Variants in ERG observed in about 807,000 individuals in gnomAD.
ERG encodes the protein transcriptional regulator ERG.
Under a neutral mutation model 55.3 loss-of-function variants are expected in ERG, and 9 were observed. The ratio of observed to expected loss-of-function variants is 0.16; its 90% CI spans 0.10 to 0.28. The LOEUF (loss-of-function observed/expected upper bound fraction) is 0.28, where lower values mean the gene tolerates loss of function less well. Among genes scored for constraint, ERG ranks in the 10% least tolerant of loss-of-function variants. The pLI is 1.00. For synonymous variants in ERG, 223 were observed against 237.3 expected, an observed-to-expected ratio of 0.94 and a Z score of 0.55; for missense variants, 434 against 631.6, an observed-to-expected ratio of 0.69 and a Z score of 3.35.
At chr21:38,388,384 C>T (rs1987805332) in intron 9 of ERG, among the ~76,000 whole-genome samples, 2 of 152,226 alleles carry the variant, frequency 1.3e-5, no homozygotes, top group Admixed American at 1.3e-4. Flanking sequence ...GGGATGCTGA[C>T]ATCATCCTGT....
intron 2 of ERG, among the ~76,000 whole-genome samples, chr21:38,503,764 T>G (rs1361474169): frequency 1.3e-5 from 2 of 152,160 alleles, no homozygotes; most frequent in African/African-American, 2.4e-5. Flanking sequence ...GGAACATGCC[T>G]GAGATTGTAG....
intron 2 of ERG, among the ~76,000 whole-genome samples, chr21:38,562,398 G>T (rs989457287): frequency 6.6e-6 from 1 of 152,076 alleles, no homozygotes; most frequent in Non-Finnish European, 1.5e-5. Flanking sequence ...TGGAAAACAG[G>T]GCTTTCCAGC....
rs141879826 is a variant in ERG, at chr21:38,615,548, T to C, written c.-149-30603A>G. On this transcript the variant is annotated intron_variant, in intron 1 of 10. Transcript: ENST00000398910. The stretch of plus-strand genomic sequence containing the variant: ...GTTAGTTCTGGTTCTGGCTCTGACA[T>C]GTACTAGTTTTGTGACCTTTTTCTA... 2.0e-4 allele frequency among the ~76,000 whole-genome samples: 30 copies of C among 151,680 alleles called. No individual in the cohort carries two copies. In the East Asian group the frequency reaches 5.4e-3, roughly 27 times the overall value.
Position 38,571,056 on chromosome 21 carries a change from A to G in ERG, c.-41+4606T>C, listed in dbSNP as rs370802858. On this transcript the variant is annotated intron_variant, in intron 2 of 8. Coordinates refer to the ERG transcript ENST00000398897. ...CAGAAATAGAATTAATGACAAAAAT[A>G]TTTATAGGATCCTAAGAAAATGGAT... 6.6e-5 allele frequency among the ~76,000 whole-genome samples: 10 copies of G among 152,326 alleles called. No individual in the cohort carries two copies. The East Asian group carries it at 1.4e-3, about 21-fold the overall frequency.
chr21:38,491,957 G>T (rs2059339817), intron 1 of ERG, among the ~76,000 whole-genome samples: 1 of 130,558 alleles, frequency 7.7e-6, no homozygotes. Flanking sequence ...TAGAGTATAA[G>T]AATTGCTGCC....
At chr21:38,542,745 A>G (rs1162423002) in intron 2 of ERG, among the ~76,000 whole-genome samples, 1 of 152,220 alleles carries the variant, frequency 6.6e-6, no homozygotes, top group African/African-American at 2.4e-5. Context: ...AAGAGACAAA[A>G]TAAACAGTAA....
chr21:38,390,078 T>C (rs533114836), intron 9 of ERG, among the ~76,000 whole-genome samples: 5 of 152,218 alleles, frequency 3.3e-5, no homozygotes, highest in African/African-American at 4.8e-5. Flanking sequence ...GCATTTGAAT[T>C]TGCAGTTGGG....
At chr21:38,611,999 T>C (rs1239423259) in intron 1 of ERG, among the ~76,000 whole-genome samples, 1 of 152,202 alleles carries the variant, frequency 6.6e-6, no homozygotes, top group Non-Finnish European at 1.5e-5. Flanking sequence ...AAACTAAATT[T>C]AGTTGGAGAC....
At chr21:38,615,685 T>G (rs900951438) in intron 1 of ERG, among the ~76,000 whole-genome samples, 6 of 150,766 alleles carry the variant, frequency 4.0e-5, no homozygotes, top group African/African-American at 1.2e-4. Flanking sequence ...TTAGAGTGAT[T>G]ATTATTTAGA....
At chr21:38,616,387 G>A (rs972629066) in intron 1 of ERG, among the ~76,000 whole-genome samples, 1 of 151,952 alleles carries the variant, frequency 6.6e-6, no homozygotes, top group African/African-American at 2.4e-5. Flanking sequence ...ATGAATGATG[G>A]GTTATTATTA....
intron 2 of ERG, among the ~76,000 whole-genome samples, chr21:38,509,546 T>C: frequency 6.6e-6 from 1 of 152,176 alleles, no homozygotes; most frequent in East Asian, 1.9e-4. Flanking sequence ...TAGAGGTGCC[T>C]CAGGGTCACT....
At chr21:38,559,662 T>C (rs930857743) in intron 2 of ERG, among the ~76,000 whole-genome samples, 1 of 152,150 alleles carries the variant, frequency 6.6e-6, no homozygotes, top group Non-Finnish European at 1.5e-5. Flanking sequence ...ATAAAATTAA[T>C]CTAAAACAAA....
At chr21:38,544,223 C>T (rs2059773684) in intron 2 of ERG, among the ~76,000 whole-genome samples, 1 of 152,156 alleles carries the variant, frequency 6.6e-6, no homozygotes, top group Non-Finnish European at 1.5e-5. Context: ...GCAGAAAGAA[C>T]CAAGGGTAAA....
At chr21:38,606,262 T>C (rs1207828176) in intron 1 of ERG, among the ~76,000 whole-genome samples, 1 of 152,148 alleles carries the variant, frequency 6.6e-6, no homozygotes, top group East Asian at 1.9e-4. Flanking sequence ...GGTAGGTAGA[T>C]AGGTGACTGA....
At chr21:38,608,172 C>CCAGTTATA (rs1363686360) in intron 1 of ERG, among the ~76,000 whole-genome samples, 9 of 152,056 alleles carry the variant, frequency 5.9e-5, no homozygotes, top group African/African-American at 2.2e-4. Flanking sequence ...TTTTAAAAAT[C>CCAGTTATA]CAGTTATACT....
chr21:38,544,748 C>T (rs998851658), intron 2 of ERG, among the ~76,000 whole-genome samples: 29 of 152,104 alleles, frequency 1.9e-4, no homozygotes, highest in African/African-American at 7.0e-4. Context: ...GTGAAAATTC[C>T]TCTCTCTAAC....
rs1021576749 is a variant in ERG, at chr21:38,380,390, A to T, written c.*3013T>A. The T allele has an allele frequency of 3.8e-6, 4 of 1,061,418 alleles. No homozygotes were observed. In the African/African-American group the frequency reaches 6.6e-5, roughly 17 times the overall value. The allele number at this position is 1,061,418 out of a possible 1,614,324, so 65.7% of individuals were successfully genotyped here. A position where few individuals can be genotyped will look rare whatever the true frequency, so the allele number is the denominator to read the frequency against. Reference sequence around the variant, plus strand: ...CACTTTGTGAACCCCTCCGGGACATAAGGGCATCAAACTAGGAACAAAAAC... The same window carrying T: ...CACTTTGTGAACCCCTCCGGGACATTAGGGCATCAAACTAGGAACAAAAAC... On this transcript the variant is annotated 3_prime_UTR_variant, in exon 10 of 10. Transcript: ENST00000288319.
intron 4 of ERG, 84 bp from the exon 5 acceptor site, chr21:38,402,721 AAAAAAAAAAAG>A (rs2077415572): frequency 2.3e-6 from 2 of 856,892 alleles, no homozygotes; most frequent in Non-Finnish European, 1.7e-6. Context: ...ACAAAAAAAA[AAAAAAAAAAAG>A]AAAGAAAAAG....
At chr21:38,659,887 A>C (rs2146998647) in intron 1 of ERG, among the ~76,000 whole-genome samples, 1 of 152,350 alleles carries the variant, frequency 6.6e-6, no homozygotes, top group Admixed American at 6.5e-5. Context: ...TCAGACAGAA[A>C]CCAGGTAAGG....
Sources: allele counts gnomAD v4.1 joint callset (sites outside exome capture counted in the v4.1 genomes callset), GRCh38; gene constraint gnomAD v4.1.1; transcripts MANE v1.5; gene names NCBI Gene and HGNC (gene_info 2026-07-23, HGNC 2026-07-21).